PTPRT: variants seen among roughly 807,000 people sequenced by gnomAD.
PTPRT encodes protein tyrosine phosphatase receptor type T.
PTPRT carries 56 observed loss-of-function variants against 176.8 expected under a neutral mutation model. The ratio of observed to expected loss-of-function variants is 0.32; its 90% confidence interval spans 0.26 to 0.40. PTPRT has a LOEUF of 0.40. Ranked by LOEUF, PTPRT falls within the 10% of genes least tolerant of loss-of-function variation. PTPRT has a pLI of 1.00. For missense variants in PTPRT, 1,540 were observed against 1,908.2 expected, an observed-to-expected ratio of 0.81 and a Z score of 3.60; for synonymous variants, 783 against 739.0, an observed-to-expected ratio of 1.06 and a Z score of -0.96.
intron 1 of PTPRT, among the ~76,000 whole-genome samples, chr20:43,138,226 C>T (rs923447021): frequency 6.6e-6 from 1 of 152,232 alleles, no homozygotes; most frequent in African/African-American, 2.4e-5. Context: ...GCCTCTGACA[C>T]ACAGGGTCTG....
At chr20:42,522,962 A>G (rs368418241) in intron 7 of PTPRT, among the ~76,000 whole-genome samples, 12 of 152,082 alleles carry the variant, frequency 7.9e-5, no homozygotes, top group African/African-American at 2.9e-4. Flanking sequence ...CAGATCTTCA[A>G]TTTCTTGTCA....
intron 16 of PTPRT, among the ~76,000 whole-genome samples, chr20:42,177,740 G>T (rs965441624): frequency 6.6e-6 from 1 of 151,986 alleles, no homozygotes; most frequent in Non-Finnish European, 1.5e-5. Context: ...ACCATTTTAT[G>T]GGGGGGCAGG....
intron 1 of PTPRT, among the ~76,000 whole-genome samples, chr20:42,904,484 C>A (rs1218385712): frequency 1.3e-5 from 2 of 152,134 alleles, no homozygotes; most frequent in Non-Finnish European, 2.9e-5. Flanking sequence ...GCTGGAAGCT[C>A]TTGACAGTCT....
chr20:42,626,167 T>A (rs187788072), intron 7 of PTPRT, among the ~76,000 whole-genome samples: 77 of 152,254 alleles, frequency 5.1e-4, no homozygotes, highest in African/African-American at 1.8e-3. Context: ...GTATATATTT[T>A]GAGGCTCATC....
intron 15 of PTPRT, among the ~76,000 whole-genome samples, chr20:42,210,411 C>A (rs1455381780): frequency 6.6e-6 from 1 of 151,852 alleles, no homozygotes; most frequent in African/African-American, 2.4e-5. Context: ...ATCGTCTCAG[C>A]CCAAAATCTC....
chr20:42,664,916 C>T (rs142288346), intron 7 of PTPRT, among the ~76,000 whole-genome samples: 14,141 of 152,168 alleles, frequency 0.093, 923 homozygotes, highest in Non-Finnish European at 0.14. Context: ...GAAACTGGAT[C>T]CCCTCCTTAC....
chr20:43,018,699 C>A (rs1194106970), intron 1 of PTPRT, among the ~76,000 whole-genome samples: 2 of 152,092 alleles, frequency 1.3e-5, no homozygotes, highest in Non-Finnish European at 2.9e-5. Flanking sequence ...AAGATTTGAA[C>A]AGGTAATTTA....
intron 7 of PTPRT, among the ~76,000 whole-genome samples, chr20:42,636,385 C>T (rs960757783): frequency 5.9e-5 from 9 of 152,058 alleles, no homozygotes; most frequent in Non-Finnish European, 1.5e-5. Context: ...AATAAAATTA[C>T]CAAAATGAGG....
At chr20:42,690,350 T>A (rs914037998) in intron 6 of PTPRT, among the ~76,000 whole-genome samples, 1 of 151,922 alleles carries the variant, frequency 6.6e-6, no homozygotes, top group Non-Finnish European at 1.5e-5. Context: ...GGGGGACCAA[T>A]AAGGAAGTTG....
At chr20:42,281,090 GC>G (rs1025114828) in intron 13 of PTPRT, among the ~76,000 whole-genome samples, 5 of 152,086 alleles carry the variant, frequency 3.3e-5, no homozygotes, top group Non-Finnish European at 7.4e-5. Context: ...TAAGCAGGCT[GC>G]AGACACCTAG....
At position 42,074,087 on chromosome 20, in the gene PTPRT, C is replaced by T. The variant is rs2146048496; in HGVS notation, c.*6792G>A. On this transcript the variant is annotated 3_prime_UTR_variant, in exon 31 of 31. Coordinates refer to ENST00000373187, the MANE Select transcript of PTPRT (RefSeq NM_007050.6). ...TCTGCAGAGCTATGGAAGATATGGA[C>T]ACCATATTCTGCCTGACCCCTCAGA... 4.4e-6 allele frequency: 1 copy of T among 229,652 alleles called. No individual in the cohort carries two copies. The highest frequency in any genetic ancestry group is 2.2e-5 in the African/African-American group (1 of 45,262). 14.2% of individuals were successfully genotyped at this position (229,652 alleles called of 1,614,324 possible). A position where few individuals can be genotyped will look rare whatever the true frequency, so the allele number is the denominator to read the frequency against.
chr20:42,561,896 C>T (rs1231011377), intron 7 of PTPRT, among the ~76,000 whole-genome samples: 1 of 152,136 alleles, frequency 6.6e-6, no homozygotes, highest in African/African-American at 2.4e-5. Flanking sequence ...CTGTTGTTCC[C>T]CCCAAAACCC....
chr20:42,237,613 C>A (rs2056271720), intron 14 of PTPRT, among the ~76,000 whole-genome samples: 1 of 152,162 alleles, frequency 6.6e-6, no homozygotes. Flanking sequence ...ATTCCATTCT[C>A]CAAAAGAAAG....
chr20:42,307,550 C>A (rs1357692836), intron 12 of PTPRT, among the ~76,000 whole-genome samples: 1 of 152,168 alleles, frequency 6.6e-6, no homozygotes, highest in Non-Finnish European at 1.5e-5. Flanking sequence ...ATATCTACAG[C>A]TTCTCATTCC....
intron 28 of PTPRT, among the ~76,000 whole-genome samples, chr20:42,085,401 T>C (rs527945833): frequency 6.6e-6 from 1 of 152,330 alleles, no homozygotes; most frequent in South Asian, 2.1e-4. Context: ...CCAAAGCTTA[T>C]GGGATCCAAT....
At chr20:42,628,312 T>C (rs991650574) in intron 7 of PTPRT, among the ~76,000 whole-genome samples, 1 of 152,160 alleles carries the variant, frequency 6.6e-6, no homozygotes, top group African/African-American at 2.4e-5. Flanking sequence ...CCTTTTTTTT[T>C]GTGATGCCAC....
intron 19 of PTPRT, among the ~76,000 whole-genome samples, chr20:42,123,122 T>C (rs1259417461): frequency 3.3e-5 from 5 of 152,158 alleles, no homozygotes; most frequent in Non-Finnish European, 7.3e-5. Flanking sequence ...AATACATGTA[T>C]GAATGTTTTT....
intron 5 of PTPRT, among the ~76,000 whole-genome samples, chr20:42,770,877 A>G (rs751650533): frequency 6.6e-6 from 1 of 152,234 alleles, no homozygotes; most frequent in African/African-American, 2.4e-5. Context: ...GGGTTTCTGC[A>G]TGTATAAAAT....
In PTPRT at chr20:42,958,520, C is replaced by G. The variant is rs576546294; in HGVS notation, c.89-72588G>C. Among the ~76,000 whole-genome samples the G allele has an allele frequency of 1.4e-3, 214 of 151,258 alleles. 1 individual carries two copies. Among genetic ancestry groups the G allele is most frequent in the African/African-American group, 5.0e-3 (206 of 41,226 alleles). On this transcript the variant is annotated intron_variant, in intron 1 of 30. Coordinates refer to ENST00000373187, the MANE Select transcript of PTPRT (RefSeq NM_007050.6). ...AGAAAGGAAACCTACAGAAAAACAT[C>G]AAAAGTGTCTAGTCCAATCAAATCA... is the stretch of plus-strand genomic sequence containing the variant.
Sources: gnomAD v4.1 joint callset for allele counts (sites outside exome capture counted in the v4.1 genomes callset) on GRCh38, gnomAD v4.1.1 for gene constraint, MANE v1.5 for transcripts, NCBI Gene and HGNC (gene_info 2026-07-23, HGNC 2026-07-21) for gene names.